LRP1B: variants seen among roughly 807,000 people sequenced by gnomAD.
The protein encoded by LRP1B is low-density lipoprotein receptor-related protein 1B.
LRP1B carries 217 observed loss-of-function variants against 556.6 expected under a neutral mutation model. The ratio of observed to expected loss-of-function variants is 0.39; its 90% CI spans 0.35 to 0.44. The LOEUF (loss-of-function observed/expected upper bound fraction) is 0.44. Among genes scored for constraint, LRP1B ranks in the 20% least tolerant of loss-of-function variants. LRP1B has a pLI of 1.00. For missense variants in LRP1B, 5,053 were observed against 5,620.8 expected (o/e 0.90, Z 3.23); for synonymous variants, 2,047 against 1,865.8 (o/e 1.10, Z -2.50).
At chr2:141,960,095 T>C (rs557434435) in intron 1 of LRP1B, among the ~76,000 whole-genome samples, 2 of 151,988 alleles carry the variant, frequency 1.3e-5, no homozygotes, top group South Asian at 4.2e-4. Context: ...ATAGAATGTG[T>C]TGTAGGGCTT....
chr2:140,542,875 G>A (rs531012629), intron 43 of LRP1B, among the ~76,000 whole-genome samples: 2 of 152,106 alleles, frequency 1.3e-5, no homozygotes, highest in Admixed American at 6.6e-5. Context: ...ACATGTGTGC[G>A]AGCCAACTCC....
At chr2:141,479,482 G>T (rs2105087541) in intron 3 of LRP1B, among the ~76,000 whole-genome samples, 1 of 152,244 alleles carries the variant, frequency 6.6e-6, no homozygotes, top group South Asian at 2.1e-4. Flanking sequence ...GTTATCTCCA[G>T]TTTCCTCTCC....
At chr2:141,445,041 T>G (rs1490418061) in intron 3 of LRP1B, among the ~76,000 whole-genome samples, 2 of 152,228 alleles carry the variant, frequency 1.3e-5, no homozygotes, top group East Asian at 3.8e-4. Flanking sequence ...AATTTGGCTG[T>G]GAATCTGTCT....
intron 27 of LRP1B, among the ~76,000 whole-genome samples, chr2:140,861,940 C>T: frequency 6.6e-6 from 1 of 152,144 alleles, no homozygotes; most frequent in Admixed American, 6.5e-5. Context: ...CTGTTGGTGC[C>T]CTTTTTCTGA....
chr2:140,392,719 G>A (rs1241375166), intron 66 of LRP1B, among the ~76,000 whole-genome samples: 1 of 152,028 alleles, frequency 6.6e-6, no homozygotes, highest in Non-Finnish European at 1.5e-5. Flanking sequence ...ATGTGATTCA[G>A]AATATAGGAT....
chr2:140,511,757 A>C (rs1416463267), intron 51 of LRP1B, among the ~76,000 whole-genome samples: 1 of 152,178 alleles, frequency 6.6e-6, no homozygotes, highest in Non-Finnish European at 1.5e-5. Context: ...TTAACATTTT[A>C]TGTAGTACTG....
At chr2:141,571,602 G>A (rs1273953598) in intron 2 of LRP1B, among the ~76,000 whole-genome samples, 1 of 152,114 alleles carries the variant, frequency 6.6e-6, no homozygotes, top group Non-Finnish European at 1.5e-5. Context: ...AACAGAAGAA[G>A]GCTTCAGAAT....
At chr2:141,007,017 C>T (rs1697595477) in intron 14 of LRP1B, among the ~76,000 whole-genome samples, 1 of 151,892 alleles carries the variant, frequency 6.6e-6, no homozygotes, top group South Asian at 2.1e-4. Flanking sequence ...ATTGTAGGGT[C>T]ATATTACTCT....
chr2:141,223,970 C>T (rs141676615), intron 6 of LRP1B, among the ~76,000 whole-genome samples: 9 of 152,178 alleles, frequency 5.9e-5, no homozygotes, highest in Admixed American at 2.6e-4. Flanking sequence ...GACATAGGCA[C>T]GGGCAAAGAT....
intron 66 of LRP1B, among the ~76,000 whole-genome samples, chr2:140,396,466 G>A (rs188205791): frequency 2.2e-4 from 33 of 152,240 alleles, no homozygotes; most frequent in Admixed American, 2.2e-3. Flanking sequence ...ATGAAGCAAG[G>A]TAGAAACAGC....
intron 35 of LRP1B, among the ~76,000 whole-genome samples, chr2:140,745,895 T>C (rs1688297681): frequency 6.6e-6 from 1 of 152,220 alleles, no homozygotes; most frequent in South Asian, 2.1e-4. Context: ...CTAATCTGTT[T>C]AGCAGAAACA....
chr2:141,228,194 C>T (rs1000308214), intron 6 of LRP1B, among the ~76,000 whole-genome samples: 1 of 152,232 alleles, frequency 6.6e-6, no homozygotes, highest in African/African-American at 2.4e-5. Context: ...TGGGAGCCAC[C>T]GCACCCGGCT....
chr2:141,651,038 T>A (rs1027336245), intron 2 of LRP1B, among the ~76,000 whole-genome samples: 2 of 152,224 alleles, frequency 1.3e-5, no homozygotes, highest in African/African-American at 4.8e-5. Context: ...ATCTTATCCA[T>A]GCCGGACTTT....
chr2:140,661,900 T>TC (rs1439078324), intron 41 of LRP1B, among the ~76,000 whole-genome samples: 2 of 143,900 alleles, frequency 1.4e-5, no homozygotes, highest in Admixed American at 1.4e-4. Context: ...TTGTATAGCA[T>TC]TAAAATATGA....
intron 18 of LRP1B, among the ~76,000 whole-genome samples, chr2:140,977,469 C>A (rs531551036): frequency 2.6e-5 from 4 of 152,154 alleles, no homozygotes; most frequent in Non-Finnish European, 5.9e-5. Context: ...TTGCTTCCAA[C>A]TTAAATTAAT....
At chr2:141,468,912 A>G (rs1559087880) in intron 3 of LRP1B, among the ~76,000 whole-genome samples, 1 of 152,146 alleles carries the variant, frequency 6.6e-6, no homozygotes, top group African/African-American at 2.4e-5. Context: ...ATCCAGAAGA[A>G]GCTCGTTAAG....
At chr2:140,558,582 C>T (rs1046197329) in intron 43 of LRP1B, among the ~76,000 whole-genome samples, 3 of 151,920 alleles carry the variant, frequency 2.0e-5, no homozygotes, top group African/African-American at 7.3e-5. Context: ...TTGCTTAGGG[C>T]TGAGGGGAGT....
intron 7 of LRP1B, among the ~76,000 whole-genome samples, chr2:141,137,328 C>A (rs1050194642): frequency 1.5e-4 from 23 of 151,848 alleles, no homozygotes; most frequent in African/African-American, 5.6e-4. Context: ...TGTCATCATT[C>A]CTGGAACACT....
At chr2:140,329,678 C>T (rs1680692263) in intron 79 of LRP1B, among the ~76,000 whole-genome samples, 1 of 151,794 alleles carries the variant, frequency 6.6e-6, no homozygotes, top group Admixed American at 6.6e-5. Flanking sequence ...CTTAGAAATA[C>T]AGCTAACAAG....
Sources: gnomAD v4.1 joint callset for allele counts (sites outside exome capture counted in the v4.1 genomes callset) on GRCh38, gnomAD v4.1.1 for gene constraint, MANE v1.5 for transcripts, NCBI Gene and HGNC (gene_info 2026-07-23, HGNC 2026-07-21) for gene names.